THSD7B: variants seen among roughly 807,000 people sequenced by gnomAD.
THSD7B encodes thrombospondin type-1 domain-containing protein 7B.
Under a neutral mutation model 213.6 loss-of-function variants are expected in THSD7B, and 138 were observed. The ratio of observed to expected loss-of-function variants is 0.65; its 90% CI spans 0.56 to 0.74. The LOEUF (loss-of-function observed/expected upper bound fraction) is 0.74, where lower values mean the gene tolerates loss of function less well. Ranked by LOEUF, THSD7B falls within the 30% of genes least tolerant of loss-of-function variation. The probability of loss-of-function intolerance (pLI) is 0.00; values close to 1 mark genes in which losing one functional copy is unlikely to be tolerated. For missense variants in THSD7B, 1,931 were observed against 1,991.5 expected (o/e 0.97, Z 0.58); for synonymous variants, 742 against 687.0 (o/e 1.08, Z -1.25).
At chr2:137,645,073 A>T (rs1683005543) in intron 21 of THSD7B, among the ~76,000 whole-genome samples, 3 of 152,146 alleles carry the variant, frequency 2.0e-5, no homozygotes, top group Admixed American at 1.3e-4. Flanking sequence ...GCCAATTTTT[A>T]GTTCTGCATT....
chr2:137,451,974 A>C (rs1294372560), intron 15 of THSD7B: 2 of 626,976 alleles, frequency 3.2e-6, no homozygotes, highest in African/African-American at 2.0e-5. Flanking sequence ...GCCTCTATAC[A>C]TGCTGTTTAA....
At chr2:137,262,500 A>C (rs553720311) in intron 10 of THSD7B, among the ~76,000 whole-genome samples, 61 of 152,268 alleles carry the variant, frequency 4.0e-4, no homozygotes, top group African/African-American at 1.4e-3. Flanking sequence ...CACATAACAC[A>C]TTGACAAGAA....
chr2:136,884,525 G>T (rs1001269308), intron 2 of THSD7B, among the ~76,000 whole-genome samples: 5 of 152,162 alleles, frequency 3.3e-5, no homozygotes, highest in Non-Finnish European at 5.9e-5. Context: ...ACAAGGCAGG[G>T]GAGCCCATGG....
At chr2:137,165,646 A>T (rs1680113429) in intron 6 of THSD7B, among the ~76,000 whole-genome samples, 1 of 152,092 alleles carries the variant, frequency 6.6e-6, no homozygotes, top group Non-Finnish European at 1.5e-5. Flanking sequence ...AAACTCTGGG[A>T]TATAAGCGGG....
intron 12 of THSD7B, among the ~76,000 whole-genome samples, chr2:137,309,726 A>G (rs949393690): frequency 9.2e-5 from 14 of 151,898 alleles, no homozygotes; most frequent in Non-Finnish European, 1.6e-4. Context: ...TCATTGTTCA[A>G]TTCCCACCTA....
rs563375777 is a variant in THSD7B at position 137,432,427 on chromosome 2, C to T, written c.2960-18418C>T. ...AATAAAAATAAAAAATAAAAATTGT[C>T]GGCATAAGAGGATTTCACAAATTTG... On this transcript the variant is annotated intron_variant, in intron 14 of 27. Transcript: ENST00000409968. 1.6e-4 allele frequency among the ~76,000 whole-genome samples: 25 copies of T among 152,118 alleles called. No individual in the cohort carries two copies. The South Asian group carries it at 5.2e-3, about 32-fold the overall frequency.
chr2:137,009,738 C>T (rs1686189782), intron 2 of THSD7B, among the ~76,000 whole-genome samples: 1 of 152,084 alleles, frequency 6.6e-6, no homozygotes, highest in Admixed American at 6.5e-5. Flanking sequence ...AATTATATTC[C>T]ACTGGGTCCC....
chr2:136,913,999 G>A (rs937204456), intron 2 of THSD7B, among the ~76,000 whole-genome samples: 2 of 152,186 alleles, frequency 1.3e-5, no homozygotes, highest in Non-Finnish European at 2.9e-5. Flanking sequence ...ATCTGGAAAA[G>A]CCACAGACAC....
chr2:137,110,093 G>A (rs892934784), intron 4 of THSD7B, among the ~76,000 whole-genome samples: 9 of 151,978 alleles, frequency 5.9e-5, no homozygotes, highest in South Asian at 2.1e-4. Flanking sequence ...GATTTCCCTC[G>A]TCATGGCACT....
intron 1 of THSD7B, among the ~76,000 whole-genome samples, chr2:136,848,334 G>A (rs1652427): frequency 0.55 from 83,318 of 151,372 alleles, 23,174 homozygotes; most frequent in Middle Eastern, 0.76. Context: ...TTCATTCTTG[G>A]GGTTTGGGAA....
At chr2:137,362,584 C>A (rs753196040) in intron 12 of THSD7B, among the ~76,000 whole-genome samples, 1 of 152,018 alleles carries the variant, frequency 6.6e-6, no homozygotes, top group Non-Finnish European at 1.5e-5. Context: ...GGGTTGCAAT[C>A]CTCGTCTCTG....
chr2:137,135,849 T>TAA (rs141584301), intron 5 of THSD7B, among the ~76,000 whole-genome samples: 8,537 of 149,050 alleles, frequency 0.057, 250 homozygotes, highest in East Asian at 0.1. Context: ...TATGCTACAC[T>TAA]AAAAAAAAAA....
chr2:137,497,236 A>C (rs192137444), intron 15 of THSD7B, among the ~76,000 whole-genome samples: 1 of 151,660 alleles, frequency 6.6e-6, no homozygotes, highest in East Asian at 1.9e-4. Context: ...CACACACTAG[A>C]TCTCACTTTA....
chr2:137,615,632 C>T (rs1436277697), intron 17 of THSD7B, among the ~76,000 whole-genome samples: 1 of 152,172 alleles, frequency 6.6e-6, no homozygotes, highest in Non-Finnish European at 1.5e-5. Context: ...GTTGTCCATG[C>T]TCTGTGGACC....
At chr2:136,926,937 A>T (rs1260634772) in intron 2 of THSD7B, among the ~76,000 whole-genome samples, 1 of 152,192 alleles carries the variant, frequency 6.6e-6, no homozygotes, top group African/African-American at 2.4e-5. Flanking sequence ...AAATGGGCTC[A>T]TCTCCAATTT....
rs868289425 is a variant in THSD7B at position 137,169,288 on chromosome 2, T to G, written c.1526-1453T>G. Among the ~76,000 whole-genome samples, 1,048 of 146,300 alleles carry G rather than the reference T, an allele frequency of 7.2e-3. 9 individuals carry two copies. The highest frequency in any genetic ancestry group is 0.023 in the African/African-American group (907 of 40,204). ...GATTTTTAAGTGCTTTATTTGAGGT[T>G]TTTTTTTTTTTTTTAATCTAAGTTA... On this transcript the variant is annotated intron_variant, in intron 6 of 27. Coordinates refer to ENST00000409968, the MANE Select transcript of THSD7B (RefSeq NM_001316349.2).
At chr2:137,525,076 C>A (rs1359320068) in intron 15 of THSD7B, among the ~76,000 whole-genome samples, 1 of 152,176 alleles carries the variant, frequency 6.6e-6, no homozygotes, top group Non-Finnish European at 1.5e-5. Context: ...ACAATGGTGG[C>A]ACAATCTTTG....
chr2:137,192,950 A>C (rs1156425950), intron 7 of THSD7B, among the ~76,000 whole-genome samples: 1 of 152,128 alleles, frequency 6.6e-6, no homozygotes, highest in Non-Finnish European at 1.5e-5. Context: ...CATAGCTTAG[A>C]AAGGAAAGCT....
chr2:137,312,329 G>A (rs983770189), intron 12 of THSD7B, among the ~76,000 whole-genome samples: 13 of 151,770 alleles, frequency 8.6e-5, no homozygotes, highest in African/African-American at 2.7e-4. Flanking sequence ...GGTAGTTTGT[G>A]TTTCTGTGGG....
Sources: gnomAD v4.1 joint callset for allele counts (sites outside exome capture counted in the v4.1 genomes callset) on GRCh38, gnomAD v4.1.1 for gene constraint, MANE v1.5 for transcripts, NCBI Gene and HGNC (gene_info 2026-07-23, HGNC 2026-07-21) for gene names.